KHDRBS3: variants seen among roughly 807,000 people sequenced by gnomAD.
The protein encoded by KHDRBS3 is KH domain-containing, RNA-binding, signal transduction-associated protein 3.
Under a neutral mutation model 45.6 loss-of-function variants are expected in KHDRBS3, and 23 were observed. That is an observed-to-expected ratio of 0.50 (90% CI 0.36 to 0.72). KHDRBS3 has a LOEUF of 0.72. KHDRBS3 is among the 30% of genes least tolerant of loss of function. The pLI is 0.00. For synonymous variants in KHDRBS3, 162 were observed against 156.5 expected (o/e 1.04, Z -0.26); for missense variants, 352 against 424.8 (o/e 0.83, Z 1.51).
At chr8:135,580,947 C>CT (rs200125903) in intron 5 of KHDRBS3, among the ~76,000 whole-genome samples, 242 of 151,666 alleles carry the variant, frequency 1.6e-3, no homozygotes, top group African/African-American at 3.4e-3. Context: ...GGTGTTTGGG[C>CT]TTTTTTTTTC....
rs561633179 is a variant in KHDRBS3 at position 135,565,808 on chromosome 8, C to T, written c.611+8221C>T. On this transcript the variant is annotated intron_variant, in intron 5 of 8. Coordinates refer to ENST00000355849, the MANE Select transcript of KHDRBS3 (RefSeq NM_006558.3). Reference sequence around the variant, plus strand: ...GAGTCTTGGCTGCTCAGCATGCCCCCTGCAGCCTGTCCTCATTGGAAACAC... The same window carrying T: ...GAGTCTTGGCTGCTCAGCATGCCCCTTGCAGCCTGTCCTCATTGGAAACAC... Among the ~76,000 whole-genome samples the T allele has an allele frequency of 2.0e-5, 3 of 152,318 alleles. 1 individual carries two copies. In the East Asian group the frequency reaches 5.8e-4, roughly 29 times the overall value.
chr8:135,480,787 T>G (rs1212537252), intron 1 of KHDRBS3, among the ~76,000 whole-genome samples: 1 of 152,238 alleles, frequency 6.6e-6, no homozygotes, highest in African/African-American at 2.4e-5. Flanking sequence ...AGTCATTTTC[T>G]TAAGTCGTCA....
At chr8:135,594,910 T>G (rs1372028268) in intron 6 of KHDRBS3, among the ~76,000 whole-genome samples, 3 of 152,156 alleles carry the variant, frequency 2.0e-5, no homozygotes, top group Non-Finnish European at 4.4e-5. Flanking sequence ...CACACTTAGA[T>G]GCACTGGAAG....
At chr8:135,632,470 T>C (rs1167154405) in intron 7 of KHDRBS3, among the ~76,000 whole-genome samples, 2 of 151,984 alleles carry the variant, frequency 1.3e-5, no homozygotes, top group African/African-American at 4.8e-5. Context: ...CCAAGAGCAA[T>C]GATGATGACT....
chr8:135,580,602 TC>T (rs1563783011), intron 5 of KHDRBS3, among the ~76,000 whole-genome samples: 18 of 108,162 alleles, frequency 1.7e-4, no homozygotes, highest in East Asian at 7.1e-4. Flanking sequence ...TCTCTCTCTC[TC>T]TCTTTTTTTT....
At chr8:135,538,852 T>G (rs570879398) in intron 2 of KHDRBS3, 15 of 152,276 alleles carry the variant, frequency 9.9e-5, no homozygotes, top group African/African-American at 3.4e-4. Context: ...ACATACTCAG[T>G]CCATCTATTA....
At chr8:135,585,924 A>G (rs1828450117) in intron 6 of KHDRBS3, among the ~76,000 whole-genome samples, 1 of 152,196 alleles carries the variant, frequency 6.6e-6, no homozygotes, top group African/African-American at 2.4e-5. Flanking sequence ...AAAGCATGTG[A>G]TGGGAAGAAA....
intron 6 of KHDRBS3, among the ~76,000 whole-genome samples, chr8:135,597,052 A>G (rs1288782602): frequency 6.6e-6 from 1 of 152,214 alleles, no homozygotes; most frequent in Non-Finnish European, 1.5e-5. Flanking sequence ...ATGTAATTAG[A>G]TATTTTAGAT....
At chr8:135,552,051 T>C (rs1032183487) in intron 4 of KHDRBS3, among the ~76,000 whole-genome samples, 7 of 152,200 alleles carry the variant, frequency 4.6e-5, no homozygotes, top group Non-Finnish European at 1.0e-4. Flanking sequence ...GTGTATAATC[T>C]GTTGTTTTTC....
intron 1 of KHDRBS3, among the ~76,000 whole-genome samples, chr8:135,512,783 G>T (rs1053637999): frequency 2.6e-5 from 4 of 152,164 alleles, no homozygotes; most frequent in Non-Finnish European, 4.4e-5. Context: ...CCATCTTGTT[G>T]TTGGGCACAG....
At chr8:135,635,346 C>T (rs956121604) in intron 7 of KHDRBS3, among the ~76,000 whole-genome samples, 28 of 152,088 alleles carry the variant, frequency 1.8e-4, no homozygotes, top group African/African-American at 5.6e-4. Context: ...TTCTTTGATA[C>T]GACATCAAAA....
chr8:135,637,292 C>A (rs1458342236), intron 7 of KHDRBS3, among the ~76,000 whole-genome samples: 1 of 152,158 alleles, frequency 6.6e-6, no homozygotes, highest in Non-Finnish European at 1.5e-5. Flanking sequence ...TATTACATTT[C>A]ATTTATTTTG....
In KHDRBS3 at chr8:135,463,852, C is replaced by G. The variant is rs552529899; in HGVS notation, c.88+5898C>G. Reference sequence around the variant, plus strand: ...AGATAGAATGACTTATATCTTCTACCAAAACAATAGAAGGAGAGTGTTCCT... The same window carrying G: ...AGATAGAATGACTTATATCTTCTACGAAAACAATAGAAGGAGAGTGTTCCT... On this transcript the variant is annotated intron_variant, in intron 1 of 8. Transcript: ENST00000355849. Among the ~76,000 whole-genome samples the G allele has an allele frequency of 2.6e-5, 4 of 152,204 alleles. No individual in the cohort carries two copies. The East Asian group carries it at 7.7e-4, about 29-fold the overall frequency.
At chr8:135,563,576 A>G (rs1266415475) in intron 5 of KHDRBS3, among the ~76,000 whole-genome samples, 2 of 152,204 alleles carry the variant, frequency 1.3e-5, no homozygotes, top group Non-Finnish European at 2.9e-5. Flanking sequence ...ATCCATAAAG[A>G]CCCATGTGTC....
intron 5 of KHDRBS3, among the ~76,000 whole-genome samples, chr8:135,574,780 C>G (rs1481373084): frequency 6.6e-6 from 1 of 152,146 alleles, no homozygotes; most frequent in Non-Finnish European, 1.5e-5. Context: ...ATGGGTAAGA[C>G]ACTACAGAAA....
intron 5 of KHDRBS3, among the ~76,000 whole-genome samples, chr8:135,578,100 A>C (rs1008043006): frequency 3.9e-5 from 6 of 152,000 alleles, no homozygotes; most frequent in African/African-American, 2.4e-5. Context: ...CTTATTGTTG[A>C]GTTATAAAAG....
In KHDRBS3 at chr8:135,457,474, C is replaced by CGCGGCGT. The variant is rs1821157217; in HGVS notation, c.-390_-384dup. 1 of 147,104 alleles carries CGCGGCGT rather than the reference C, an allele frequency of 6.8e-6. No homozygotes were observed. The highest frequency in any genetic ancestry group is 1.5e-5 in the Non-Finnish European group (1 of 66,280). The allele number at this position is 147,104 out of a possible 1,614,324, so 9.1% of individuals were successfully genotyped here. On this transcript the variant is annotated 5_prime_UTR_variant, in exon 1 of 9. Coordinates refer to ENST00000355849, the MANE Select transcript of KHDRBS3 (RefSeq NM_006558.3). This position sits in a 1 kb window ranked among gnomAD's most constrained non-coding sequence, Gnocchi z 4.4. Reference sequence around the variant, plus strand: ...GTGGCTCAGAGTGCGCGGGGCGGCGCGCGGCGTGCAGGTCGCAGCTGTGGC... The same window carrying CGCGGCGT: ...GTGGCTCAGAGTGCGCGGGGCGGCGCGCGGCGTGCGGCGTGCAGGTCGCAGCTGTGGC...
chr8:135,639,140 G>A (rs1046675155), intron 7 of KHDRBS3, among the ~76,000 whole-genome samples: 3 of 152,164 alleles, frequency 2.0e-5, no homozygotes, highest in Non-Finnish European at 4.4e-5. Flanking sequence ...ATTGAATTTA[G>A]CAACTTGAAG....
chr8:135,461,801 G>A (rs1053970293), intron 1 of KHDRBS3, among the ~76,000 whole-genome samples: 3 of 152,176 alleles, frequency 2.0e-5, no homozygotes, highest in Admixed American at 2.0e-4. Context: ...TTTAGTTGTC[G>A]TTGATTACAA....
Sources: allele counts gnomAD v4.1 joint callset (sites outside exome capture counted in the v4.1 genomes callset), GRCh38; gene constraint gnomAD v4.1.1; non-coding constraint Gnocchi (gnomAD v3.1); transcripts MANE v1.5; gene names NCBI Gene and HGNC (gene_info 2026-07-23, HGNC 2026-07-21).